The following ACOXL variants were observed in gnomAD, a reference collection of about 807,000 sequenced individuals.
The protein encoded by ACOXL is acyl-coenzyme A oxidase-like protein.
ACOXL carries 70 observed loss-of-function variants against 71.9 expected under a neutral mutation model. The observed-to-expected ratio is 0.97, with a 90% confidence interval of 0.80 to 1.19. ACOXL has a LOEUF of 1.19. ACOXL is among the 50% of genes most tolerant of loss of function. The pLI, the probability that ACOXL is intolerant of heterozygous loss-of-function variation, is 0.00. For missense variants in ACOXL, 703 were observed against 736.3 expected, an observed-to-expected ratio of 0.95 and a Z score of 0.52; for synonymous variants, 253 against 281.6, an observed-to-expected ratio of 0.90 and a Z score of 1.02.
At position 110,821,933 on chromosome 2, in the gene ACOXL, T is replaced by TTG. The variant is rs372084892; in HGVS notation, c.753+16553_753+16554dup. ...GTTACCCTTTGACATTCTTCTATCA[T>TTG]TGTGTGTGTGTGTGTGCATGTGAGT... On this transcript the variant is annotated intron_variant, in intron 9 of 17. Transcript: ENST00000439055. 3.9e-4 allele frequency among the ~76,000 whole-genome samples: 59 copies of TTG among 150,818 alleles called. 1 individual carries two copies. Among genetic ancestry groups the TTG allele is most frequent in the African/African-American group, 5.3e-4 (22 of 41,164 alleles).
At chr2:111,066,652 C>T (rs1487450269) in intron 16 of ACOXL, among the ~76,000 whole-genome samples, 1 of 151,976 alleles carries the variant, frequency 6.6e-6, no homozygotes, top group Non-Finnish European at 1.5e-5. Flanking sequence ...CTTAAAAATG[C>T]ACTGAAAACA....
intron 10 of ACOXL, among the ~76,000 whole-genome samples, chr2:110,842,096 C>T (rs1354940449): frequency 6.6e-6 from 1 of 152,200 alleles, no homozygotes; most frequent in Admixed American, 6.5e-5. Context: ...GTCTGCTCAG[C>T]TGCCCACAGA....
At chr2:110,786,019 T>C (rs972321328) in intron 3 of ACOXL, among the ~76,000 whole-genome samples, 1 of 152,204 alleles carries the variant, frequency 6.6e-6, no homozygotes, top group Admixed American at 6.5e-5. Context: ...TGCATGTTCC[T>C]GCTTACCAAG....
At chr2:111,069,116 C>A (rs11694609) in intron 16 of ACOXL, among the ~76,000 whole-genome samples, 2 of 150,772 alleles carry the variant, frequency 1.3e-5, no homozygotes, top group South Asian at 2.1e-4. Flanking sequence ...TGTGCATGCA[C>A]GTCCTTGATG....
chr2:110,950,750 A>C (rs1178171091), intron 12 of ACOXL, among the ~76,000 whole-genome samples: 1 of 151,690 alleles, frequency 6.6e-6, no homozygotes, highest in African/African-American at 2.4e-5. Context: ...AAAAGAGATC[A>C]ATTATAAACT....
chr2:110,844,767 G>A (rs1348437084), intron 10 of ACOXL, among the ~76,000 whole-genome samples: 3 of 151,706 alleles, frequency 2.0e-5, no homozygotes, highest in South Asian at 2.1e-4. Flanking sequence ...GGCTGGTCTC[G>A]AACTCCTGAC....
At chr2:111,028,358 A>G (rs1429413296) in intron 14 of ACOXL, among the ~76,000 whole-genome samples, 1 of 151,800 alleles carries the variant, frequency 6.6e-6, no homozygotes, top group East Asian at 2.0e-4. Context: ...ATCTTGGCTC[A>G]GTATACCCAG....
At chr2:111,051,814 A>G (rs771326299) in intron 16 of ACOXL, among the ~76,000 whole-genome samples, 1 of 152,214 alleles carries the variant, frequency 6.6e-6, no homozygotes, top group Non-Finnish European at 1.5e-5. Flanking sequence ...TGCATTGTCA[A>G]ACATTCCAAT....
intron 12 of ACOXL, among the ~76,000 whole-genome samples, chr2:110,940,967 AAACT>A (rs1365205425): frequency 6.6e-6 from 1 of 152,238 alleles, no homozygotes; most frequent in Non-Finnish European, 1.5e-5. Context: ...CTAATTTTTC[AAACT>A]ATCTTTACCT....
At chr2:110,860,284 T>C (rs747635367) in intron 10 of ACOXL, among the ~76,000 whole-genome samples, 2 of 152,184 alleles carry the variant, frequency 1.3e-5, no homozygotes, top group East Asian at 3.9e-4. Flanking sequence ...TTAACTTTTG[T>C]ATTTTTAGTA....
intron 9 of ACOXL, among the ~76,000 whole-genome samples, chr2:110,835,228 T>C (rs1345131731): frequency 6.6e-6 from 1 of 152,212 alleles, no homozygotes; most frequent in African/African-American, 2.4e-5. Flanking sequence ...TTTTTATTTT[T>C]AACTTAAGTG....
rs191150840 is a variant in ACOXL at position 110,803,966 on chromosome 2, T to G, written c.621-1297T>G. The stretch of plus-strand genomic sequence containing the variant: ...GAATCAAAACCACTGTGAATACCAC[T>G]CTGCACCTACTAGGATGTCTTTTTT... On this transcript the variant is annotated intron_variant, in intron 8 of 17. Transcript: ENST00000439055. Among the ~76,000 whole-genome samples, 171 of 151,346 alleles carry G rather than the reference T, an allele frequency of 1.1e-3. 2 individuals carry two copies. The Middle Eastern group carries it at 0.017, about 15-fold the overall frequency.
chr2:110,983,460 C>CT (rs1034755908), intron 12 of ACOXL, among the ~76,000 whole-genome samples: 13 of 152,072 alleles, frequency 8.5e-5, no homozygotes, highest in African/African-American at 2.4e-4. Flanking sequence ...CAGATGGGAC[C>CT]TTTTTTAAAA....
chr2:110,805,974 TTC>T (rs1166394763), intron 9 of ACOXL, among the ~76,000 whole-genome samples: 1 of 152,242 alleles, frequency 6.6e-6, no homozygotes, highest in Admixed American at 6.5e-5. Flanking sequence ...TCTCTGGGCC[TTC>T]TCTGTCTCTT....
At chr2:110,745,469 G>A (rs1055267115) in intron 1 of ACOXL, among the ~76,000 whole-genome samples, 3 of 152,198 alleles carry the variant, frequency 2.0e-5, no homozygotes, top group African/African-American at 7.2e-5. Context: ...GGGAGTGGGT[G>A]TCTGCAAGGG....
chr2:110,909,515 A>C (rs2059578266), intron 11 of ACOXL, among the ~76,000 whole-genome samples: 1 of 152,088 alleles, frequency 6.6e-6, no homozygotes, highest in Non-Finnish European at 1.5e-5. Context: ...ATCTCAGATC[A>C]CAGAGCCTAG....
At chr2:110,891,238 A>G (rs1697897003) in intron 10 of ACOXL, among the ~76,000 whole-genome samples, 1 of 152,092 alleles carries the variant, frequency 6.6e-6, no homozygotes, top group South Asian at 2.1e-4. Flanking sequence ...ACTTCTTTTC[A>G]AATAGAAATA....
At chr2:110,764,123 G>T (rs181680430) in intron 1 of ACOXL, among the ~76,000 whole-genome samples, 2 of 152,172 alleles carry the variant, frequency 1.3e-5, no homozygotes, top group African/African-American at 4.8e-5. Context: ...ATAGTTTGGT[G>T]ATTTCTTACC....
At chr2:110,880,613 A>C (rs967036826) in intron 10 of ACOXL, among the ~76,000 whole-genome samples, 1 of 152,218 alleles carries the variant, frequency 6.6e-6, no homozygotes, top group African/African-American at 2.4e-5. Flanking sequence ...GAGTTGTTAC[A>C]TACAACTGTG....
Sources: gnomAD v4.1 joint callset for allele counts (sites outside exome capture counted in the v4.1 genomes callset) on GRCh38, gnomAD v4.1.1 for gene constraint, MANE v1.5 for transcripts, NCBI Gene and HGNC (gene_info 2026-07-23, HGNC 2026-07-21) for gene names.